FCAMR: variants seen among roughly 807,000 people sequenced by gnomAD.
The protein encoded by FCAMR is Fc alpha and mu receptor, also known as high affinity immunoglobulin alpha and immunoglobulin mu Fc receptor.
In FCAMR, 51 loss-of-function variants were observed where a neutral mutation model predicts 52.2. The observed-to-expected ratio is 0.98, with a 90% CI of 0.78 to 1.23. The LOEUF is 1.23. Among genes scored for constraint, FCAMR ranks in the 50% most tolerant of loss-of-function variants. FCAMR has a pLI of 0.00. For synonymous variants in FCAMR, 282 were observed against 262.0 expected (o/e 1.08, Z -0.74); for missense variants, 719 against 712.6 (o/e 1.01, Z -0.10).
rs540430879 is a variant in FCAMR at position 206,958,785 on chromosome 1, CAG to C, written c.1574-111_1574-110del. ...GCAAGTTTTCAAGAACTTTCTGACA[CAG>C]AAGCAATGGAGCCCTAGTTGGCTAG... is the stretch of plus-strand genomic sequence containing the variant. On this transcript the variant is annotated intron_variant, in intron 7 of 7. Coordinates refer to ENST00000324852, the MANE Select transcript of FCAMR (RefSeq NM_001170631.2). The C allele has an allele frequency of 8.3e-5, 120 of 1,453,252 alleles. No homozygotes were observed. The African/African-American group carries it at 1.6e-3, about 19-fold the overall frequency. The allele number at this position is 1,453,252 out of a possible 1,614,324, so 90.0% of individuals were successfully genotyped here. A position where few individuals can be genotyped will look rare whatever the true frequency, so the allele number is the denominator to read the frequency against.
Position 206,962,435 on chromosome 1 carries a change from G to A in FCAMR, c.430C>T (p.Arg144Cys), listed in dbSNP as rs546302574. Residue 144 changes from arginine (R) to cysteine (C), a missense_variant, in exon 5 of 8, where the codon CGT becomes TGT. Coordinates refer to ENST00000324852, the MANE Select transcript of FCAMR (RefSeq NM_001170631.2). The stretch of plus-strand genomic sequence containing the variant: ...CAGATCCATCTTGGGGGCCCCAGAC[G>A]GCACCAGTACTTCCTCTGGTGCCTG... The part of the protein sequence containing the change: ...VNRHQRKYWC[R>C]LGPPRWICQT... 65 of 1,613,980 alleles carry A rather than the reference G, an allele frequency of 4.0e-5. No individual in the cohort carries two copies. Among genetic ancestry groups the A allele is most frequent in the Non-Finnish European group, 4.7e-5 (56 of 1,180,016 alleles).
At chr1:206,962,682 T>A in intron 4 of FCAMR, 131 bp from the exon 5 acceptor site, 1 of 728,216 alleles carries the variant, frequency 1.4e-6, no homozygotes, top group Non-Finnish European at 2.2e-6. Flanking sequence ...TGGAGCAGAA[T>A]CAATATAAAA....
intron 1 of FCAMR, among the ~76,000 whole-genome samples, chr1:206,969,008 C>T (rs146490522): frequency 3.3e-5 from 5 of 152,334 alleles, no homozygotes; most frequent in African/African-American, 7.2e-5. Context: ...TTGGGCACTG[C>T]GATGGCAGTC....
chr1:206,959,222 G>A (rs762339473), intron 7 of FCAMR, among the ~76,000 whole-genome samples: 3 of 152,096 alleles, frequency 2.0e-5, no homozygotes, highest in Non-Finnish European at 2.9e-5. Flanking sequence ...AGTGGCTCAC[G>A]CCTATAATCC....
chr1:206,969,196 A>G (rs905386912), intron 1 of FCAMR: 3 of 414,156 alleles, frequency 7.2e-6, no homozygotes, highest in African/African-American at 4.1e-5. Flanking sequence ...CTGATGCAGC[A>G]CATGTTGGGG....
At chr1:206,969,366 G>T (rs1172047415) in intron 1 of FCAMR, 1 of 451,692 alleles carries the variant, frequency 2.2e-6, no homozygotes, top group East Asian at 7.0e-5. Flanking sequence ...AGGCTGGGAG[G>T]ATAATACTCA....
In FCAMR at chr1:206,958,585, C is replaced by A; in HGVS notation, c.1665G>T (p.Lys555Asn). The change falls in exon 8 of 8, where the codon AAG (lysine) becomes AAT (asparagine). Residue 555 changes from lysine (K) to asparagine (N), a missense_variant. By Grantham distance (94) the Lys-to-Asn change is moderately conservative. Transcript: ENST00000324852. ...CAGGAAGAGAGTCATCCTGGAGCAT[C>A]TTTCTTTCCACATGGGGCAGCTGGT... Reference protein sequence around the residue: ...QADQLPHVERKMLQDDSLPAG... With the variant: ...QADQLPHVERNMLQDDSLPAG... 6.2e-7 allele frequency: 1 copy of A among 1,613,892 alleles called. No individual in the cohort carries two copies. The highest frequency in any genetic ancestry group is 8.5e-7 in the Non-Finnish European group (1 of 1,180,038).
In FCAMR at chr1:206,962,592, G is replaced by A; in HGVS notation, c.314-41C>T. 3 of 1,458,908 alleles carry A rather than the reference G, an allele frequency of 2.1e-6. No homozygotes were observed. The South Asian group carries it at 4.3e-5, about 21-fold the overall frequency. The allele number at this position is 1,458,908 out of a possible 1,614,324, so 90.4% of individuals were successfully genotyped here. Reference sequence around the variant, plus strand: ...GAAGTCAAAGGAGAGGAAGTGGTGAGCATAGTCACTGTTTGGGGACTCACG... The same window carrying A: ...GAAGTCAAAGGAGAGGAAGTGGTGAACATAGTCACTGTTTGGGGACTCACG... On this transcript the variant is annotated intron_variant, in intron 4 of 7. Transcript: ENST00000324852.
In FCAMR at chr1:206,965,697, GGAGA is replaced by G; in HGVS notation, c.313+14_313+17del. The G allele has an allele frequency of 6.5e-7, 1 of 1,546,634 alleles. No individual in the cohort carries two copies. The highest frequency in any genetic ancestry group is 8.7e-7 in the Non-Finnish European group (1 of 1,154,264). Reference sequence around the variant, plus strand: ...GTCTGAGGTCCATGGTCGAACAAAGGGAGAGTAGGGGTTGTACCTGCAAAGGAGC... The same window carrying G: ...GTCTGAGGTCCATGGTCGAACAAAGGGTAGGGGTTGTACCTGCAAAGGAGC... On this transcript the variant is annotated intron_variant, in intron 4 of 7. Transcript: ENST00000324852.
intron 5 of FCAMR, among the ~76,000 whole-genome samples, chr1:206,961,577 A>C (rs1272065459): frequency 6.6e-6 from 1 of 152,266 alleles, no homozygotes; most frequent in Admixed American, 6.5e-5. Context: ...CTCCACTTCT[A>C]GCAGAGCAGC....
Position 206,958,331 on chromosome 1 carries a change from C to G in FCAMR, c.*185G>C. ...TTTGAGTCATCTTGTCACCTTTGGA[C>G]GTGGATAATGCTTGACTTTCTTGGG... On this transcript the variant is annotated 3_prime_UTR_variant, in exon 8 of 8. Coordinates refer to ENST00000324852, the MANE Select transcript of FCAMR (RefSeq NM_001170631.2). The G allele has an allele frequency of 1.6e-6, 1 of 624,628 alleles. No homozygotes were observed. 38.7% of individuals were successfully genotyped at this position (624,628 alleles called of 1,614,324 possible). A position where few individuals can be genotyped will look rare whatever the true frequency, so the allele number is the denominator to read the frequency against.
chr1:206,960,860 C>T lies in FCAMR; in HGVS notation c.1016G>A (p.Arg339Lys). The T allele has an allele frequency of 6.4e-7, 1 of 1,552,444 alleles. No individual in the cohort carries two copies. Among genetic ancestry groups the T allele is most frequent in the African/African-American group, 1.4e-5 (1 of 73,194 alleles). ...GTRSSVTNRA[R>K]ASKDRREMTT... ...CATCTCCCTCCTGTCCTTGCTGGCT[C>T]TAGCCCTGTTTGTCACCGAGCTTCT... The change falls in exon 6 of 8, where the codon AGA (arginine) becomes AAA (lysine). Residue 339 changes from arginine (R) to lysine (K), a missense_variant. Arg to Lys is a conservative substitution (Grantham distance 26). Transcript: ENST00000324852.
chr1:206,970,446 C>T lies in FCAMR; in HGVS notation c.-321G>A, dbSNP rs1680892240. The T allele has an allele frequency of 3.7e-6, 1 of 267,304 alleles. No individual in the cohort carries two copies. Among genetic ancestry groups the T allele is most frequent in the South Asian group, 6.5e-5 (1 of 15,498 alleles). The allele number at this position is 267,304 out of a possible 1,614,324, so 16.6% of individuals were successfully genotyped here. A position where few individuals can be genotyped will look rare whatever the true frequency, so the allele number is the denominator to read the frequency against. The stretch of plus-strand genomic sequence containing the variant: ...CAAAAAAGAAAACACTGATCCATAT[C>T]CTTCCTCCTCTTGTGTCCCCTTCAG... On this transcript the variant is annotated 5_prime_UTR_variant, in exon 1 of 8. Coordinates refer to ENST00000324852, the MANE Select transcript of FCAMR (RefSeq NM_001170631.2).
At chr1:206,969,246 C>A in intron 1 of FCAMR, 1 of 455,458 alleles carries the variant, frequency 2.2e-6, no homozygotes, top group Non-Finnish European at 4.4e-6. Flanking sequence ...CCTCTGAAGT[C>A]ACCGGTGCAG....
chr1:206,961,445 A>G (rs1680504786), intron 5 of FCAMR, among the ~76,000 whole-genome samples: 1 of 151,938 alleles, frequency 6.6e-6, no homozygotes, highest in Non-Finnish European at 1.5e-5. Flanking sequence ...GACATGTTAT[A>G]CTCCTATTTC....
chr1:206,962,083 C>T (rs934004353), intron 5 of FCAMR, 130 bp downstream of exon 5: 39 of 910,306 alleles, frequency 4.3e-5, no homozygotes, highest in Middle Eastern at 4.7e-4. Context: ...AAAGTCTTTG[C>T]CTTGCCCCAG....
At chr1:206,964,492 A>G (rs1472308860) in intron 4 of FCAMR, among the ~76,000 whole-genome samples, 1 of 151,810 alleles carries the variant, frequency 6.6e-6, no homozygotes, top group Non-Finnish European at 1.5e-5. Flanking sequence ...AGGATCAGTC[A>G]TGAATGGTTT....
Position 206,960,556 on chromosome 1 carries a change from C to T in FCAMR, c.1320G>A (p.Glu440=), listed in dbSNP as rs977637010. 2.6e-6 allele frequency: 4 copies of T among 1,551,626 alleles called. No individual in the cohort carries two copies. The highest frequency in any genetic ancestry group is 3.5e-6 in the Non-Finnish European group (4 of 1,146,974). Residue 440 remains glutamate, a synonymous_variant, in exon 6 of 8, where the codon GAG becomes GAA. Coordinates refer to ENST00000324852, the MANE Select transcript of FCAMR (RefSeq NM_001170631.2). Reference sequence around the variant, plus strand: ...CAGCGCTTCCTTCCCCAGATGCTGCCTCCATGCTGGTCCACACATCTGCAG... The same window carrying T: ...CAGCGCTTCCTTCCCCAGATGCTGCTTCCATGCTGGTCCACACATCTGCAG... ...TPAADVWTSM[E]AASGEGSAAG...
rs1680487884 is a variant in FCAMR at position 206,960,988 on chromosome 1, G to C, written c.888C>G (p.Ser296Arg). 2 of 1,551,854 alleles carry C rather than the reference G, an allele frequency of 1.3e-6. No individual in the cohort carries two copies. The highest frequency in any genetic ancestry group is 2.4e-5 in the South Asian group (2 of 84,058). ...GTGCTTTGACAGAACCCTCTGCCCA[G>C]CTGCCTGTCCCTGGAGCTGCTGGCC... ...ATRPAAPGTG[S>R]WAEGSVKAPA... The change falls in exon 6 of 8, where the codon AGC becomes AGG. Residue 296 changes from serine (S) to arginine (R), a missense_variant. Ser to Arg is a moderately radical substitution (Grantham distance 110). Coordinates refer to ENST00000324852, the MANE Select transcript of FCAMR (RefSeq NM_001170631.2).
Sources: allele counts gnomAD v4.1 joint callset (sites outside exome capture counted in the v4.1 genomes callset), GRCh38; gene constraint gnomAD v4.1.1; transcripts MANE v1.5; gene names NCBI Gene and HGNC (gene_info 2026-07-23, HGNC 2026-07-21).